YTHDF3: variants seen among roughly 807,000 people sequenced by gnomAD.
YTHDF3 encodes the protein YTH N6-methyladenosine RNA binding protein F3.
In YTHDF3, 9 loss-of-function variants were observed where a neutral mutation model predicts 52.5. The observed-to-expected ratio is 0.17, with a 90% CI of 0.10 to 0.30. YTHDF3 has a LOEUF of 0.30. Among genes scored for constraint, YTHDF3 ranks in the 10% least tolerant of loss-of-function variants. The probability of loss-of-function intolerance (pLI) is 1.00; values close to 1 mark genes in which losing one functional copy is unlikely to be tolerated. For missense variants in YTHDF3, 534 were observed against 715.0 expected (o/e 0.75, Z 2.89); for synonymous variants, 274 against 243.3 (o/e 1.13, Z -1.18).
At position 63,187,516 on chromosome 8, in the gene YTHDF3, A is replaced by G. The variant is rs765589874; in HGVS notation, c.1505A>G (p.Glu502Gly). Reference sequence around the variant, plus strand: ...CAGGATAAGTGGAAGGGCAAATTTGAAGTTAAATGGATCTTTGTCAAAGAT... The same window carrying G: ...CAGGATAAGTGGAAGGGCAAATTTGGAGTTAAATGGATCTTTGTCAAAGAT... ...WSQDKWKGKF[E>G]VKWIFVKDVP... Residue 502 changes from glutamate to glycine, a missense_variant, in exon 4 of 5, where the codon GAA becomes GGA. Transcript: ENST00000539294. 1.1e-5 allele frequency: 17 copies of G among 1,613,992 alleles called. No homozygotes were observed. In the South Asian group the frequency reaches 1.9e-4, roughly 18 times the overall value.
At chr8:63,190,780 T>A (rs1391102257) in intron 4 of YTHDF3, among the ~76,000 whole-genome samples, 1 of 152,230 alleles carries the variant, frequency 6.6e-6, no homozygotes, top group Non-Finnish European at 1.5e-5. Context: ...TGCTTGAATG[T>A]CAGAGCCTAC....
chr8:63,201,321 C>G (rs188346042), intron 4 of YTHDF3, among the ~76,000 whole-genome samples: 15 of 151,740 alleles, frequency 9.9e-5, no homozygotes, highest in African/African-American at 3.6e-4. Context: ...GCCAGGAGTT[C>G]GAGACCACGC....
intron 4 of YTHDF3, among the ~76,000 whole-genome samples, chr8:63,205,029 CTG>C (rs1809928214): frequency 2.0e-5 from 3 of 152,116 alleles, no homozygotes; most frequent in African/African-American, 4.8e-5. Context: ...TTGTTAACCT[CTG>C]TGAAAAAGAC....
intron 4 of YTHDF3, among the ~76,000 whole-genome samples, chr8:63,206,698 T>G (rs1810054666): frequency 6.6e-6 from 1 of 152,216 alleles, no homozygotes; most frequent in Non-Finnish European, 1.5e-5. Context: ...GTGTTCGTGA[T>G]ATCTAGACTT....
At chr8:63,195,594 A>G (rs1713977178) in intron 4 of YTHDF3, among the ~76,000 whole-genome samples, 1 of 152,196 alleles carries the variant, frequency 6.6e-6, no homozygotes, top group Non-Finnish European at 1.5e-5. Context: ...AAAGAGTGTT[A>G]AAAGAATACA....
intron 2 of YTHDF3, among the ~76,000 whole-genome samples, chr8:63,173,213 T>TATATATATATATATATATATATATATGC (rs947970396): frequency 2.1e-5 from 3 of 146,104 alleles, no homozygotes; most frequent in African/African-American, 7.9e-5. Context: ...TATATATATA[T>TATATATATATATATATATATATATATGC]ACAGATAAAT....
At chr8:63,172,855 T>G (rs1807421414) in intron 2 of YTHDF3, 9 of 1,192,326 alleles carry the variant, frequency 7.5e-6, no homozygotes, top group African/African-American at 1.6e-5. Context: ...GGAACTAGCT[T>G]GGATTTCATT....
intron 4 of YTHDF3, among the ~76,000 whole-genome samples, chr8:63,200,882 C>G (rs988380654): frequency 6.6e-6 from 1 of 151,996 alleles, no homozygotes; most frequent in Non-Finnish European, 1.5e-5. Flanking sequence ...CATTCAGAGC[C>G]TAGGGTATTG....
chr8:63,204,489 G>A (rs983605731), intron 4 of YTHDF3, among the ~76,000 whole-genome samples: 14 of 151,566 alleles, frequency 9.2e-5, no homozygotes, highest in Middle Eastern at 6.8e-3. Flanking sequence ...GGCCTTCCCA[G>A]TAACTGGGAT....
chr8:63,212,177 TA>T lies in YTHDF3; in HGVS notation c.*2474del, dbSNP rs898108992. 6.6e-6 allele frequency: 1 copy of T among 152,638 alleles called. No individual in the cohort carries two copies. Among genetic ancestry groups the T allele is most frequent in the Admixed American group, 6.5e-5 (1 of 15,286 alleles). The allele number at this position is 152,638 out of a possible 1,614,324, so 9.5% of individuals were successfully genotyped here. ...AAGTTCTGGCTTGAATATTTCTTATTAAAGCTATCTTATGTGGGTATTTTAT... is the reference window on the plus strand; with the variant it reads ...AAGTTCTGGCTTGAATATTTCTTATTAAGCTATCTTATGTGGGTATTTTAT... On this transcript the variant is annotated 3_prime_UTR_variant, in exon 5 of 5. Transcript: ENST00000539294.
chr8:63,197,515 T>G (rs1809315851), intron 4 of YTHDF3, among the ~76,000 whole-genome samples: 1 of 152,172 alleles, frequency 6.6e-6, no homozygotes, highest in African/African-American at 2.4e-5. Flanking sequence ...ACATAATTGT[T>G]TAAAGATATA....
intron 4 of YTHDF3, among the ~76,000 whole-genome samples, chr8:63,204,766 T>TATTC (rs1323873797): frequency 6.6e-6 from 1 of 152,246 alleles, no homozygotes; most frequent in East Asian, 1.9e-4. Flanking sequence ...TCTCAGTGTT[T>TATTC]ATTCTTCTTT....
Position 63,210,796 on chromosome 8 carries a change from T to A in YTHDF3, c.*1090T>A, listed in dbSNP as rs1810329226. The A allele has an allele frequency of 6.6e-6, 1 of 152,600 alleles. No individual in the cohort carries two copies. Among genetic ancestry groups the A allele is most frequent in the African/African-American group, 2.4e-5 (1 of 41,462 alleles). The allele number at this position is 152,600 out of a possible 1,614,324, so 9.5% of individuals were successfully genotyped here. ...GATCTATATAAGTGGGAATACAGCATATATCTGGATATTCTTATAGTTATC... is the reference window on the plus strand; with the variant it reads ...GATCTATATAAGTGGGAATACAGCAAATATCTGGATATTCTTATAGTTATC... On this transcript the variant is annotated 3_prime_UTR_variant, in exon 5 of 5. Transcript: ENST00000539294.
At chr8:63,175,853 T>C (rs34534798) in intron 3 of YTHDF3, among the ~76,000 whole-genome samples, 1,736 of 152,356 alleles carry the variant, frequency 0.011, 21 homozygotes, top group Middle Eastern at 0.024. Context: ...TTTTCTTTTT[T>C]TAAGACATTG....
chr8:63,180,738 G>A (rs911380810), intron 3 of YTHDF3, among the ~76,000 whole-genome samples: 1 of 152,234 alleles, frequency 6.6e-6, no homozygotes, highest in Non-Finnish European at 1.5e-5. Flanking sequence ...TCGGGAGGCC[G>A]AGGCTGGCGG....
chr8:63,209,971 T>C lies in YTHDF3; in HGVS notation c.*265T>C. The C allele has an allele frequency of 2.6e-6, 1 of 379,604 alleles. No individual in the cohort carries two copies. The highest frequency in any genetic ancestry group is 5.8e-5 in the South Asian group (1 of 17,306). 23.5% of individuals were successfully genotyped at this position (379,604 alleles called of 1,614,324 possible). ...CAGTATCTGCTGTCTTTTGTAATTA[T>C]GCATCCTAGCTAAGGCACAGAAGAC... On this transcript the variant is annotated 3_prime_UTR_variant, in exon 5 of 5. Coordinates refer to ENST00000539294, the MANE Select transcript of YTHDF3 (RefSeq NM_152758.6).
chr8:63,181,839 A>G (rs1808159745), intron 3 of YTHDF3, among the ~76,000 whole-genome samples: 1 of 152,240 alleles, frequency 6.6e-6, no homozygotes, highest in Non-Finnish European at 1.5e-5. Context: ...GTTATCTAAT[A>G]GAATTAGAGA....
intron 2 of YTHDF3, among the ~76,000 whole-genome samples, chr8:63,174,502 T>C (rs1269420453): frequency 6.6e-6 from 1 of 152,214 alleles, no homozygotes; most frequent in Non-Finnish European, 1.5e-5. Context: ...AATCCCTAAC[T>C]GGAGATCATC....
chr8:63,182,292 A>T (rs1206330474), intron 3 of YTHDF3, among the ~76,000 whole-genome samples: 1 of 141,900 alleles, frequency 7.0e-6, no homozygotes, highest in Admixed American at 7.4e-5. Context: ...GCTGGTCTTG[A>T]ACTCCTGGAC....
Sources: gnomAD v4.1 joint callset for allele counts (sites outside exome capture counted in the v4.1 genomes callset) on GRCh38, gnomAD v4.1.1 for gene constraint, MANE v1.5 for transcripts, NCBI Gene and HGNC (gene_info 2026-07-23, HGNC 2026-07-21) for gene names.